DERL2: variants seen among roughly 807,000 people sequenced by gnomAD.
The protein encoded by DERL2 is derlin 2.
In DERL2, 13 loss-of-function variants were observed where a neutral mutation model predicts 32.0. The observed-to-expected ratio is 0.41, with a 90% confidence interval of 0.26 to 0.65. The LOEUF (loss-of-function observed/expected upper bound fraction) is 0.65, where lower values mean the gene tolerates loss of function less well. DERL2 is among the 30% of genes least tolerant of loss of function. The probability of loss-of-function intolerance (pLI) is 0.35; values close to 1 mark genes in which losing one functional copy is unlikely to be tolerated. For synonymous variants in DERL2, 111 were observed against 104.7 expected (o/e 1.06, Z -0.37); for missense variants, 208 against 296.3 (o/e 0.70, Z 2.19).
In DERL2 at chr17:5,472,693, C is replaced by CA. The variant is rs1342606183; in HGVS notation, c.*1990dup. 6.6e-6 allele frequency: 1 copy of CA among 151,482 alleles called. No homozygotes were observed. The highest frequency in any genetic ancestry group is 1.5e-5 in the Non-Finnish European group (1 of 67,944). 9.4% of individuals were successfully genotyped at this position (151,482 alleles called of 1,614,324 possible). On this transcript the variant is annotated 3_prime_UTR_variant, in exon 7 of 7. Transcript: ENST00000158771. The stretch of plus-strand genomic sequence containing the variant: ...AGATTTTAGGATTAGTATTTTACCA[C>CA]AAAAATGCCATTCATTGCATAACTC...
At chr17:5,486,356 G>GCCCC (rs150601778), upstream of DERL2, 17 of 380,098 alleles carry the variant, frequency 4.5e-5, no homozygotes, top group African/African-American at 2.6e-4. Flanking sequence ...CGTCGCCACC[G>GCCCC]CCCCCCCCCA....
At position 5,483,679 on chromosome 17, in the gene DERL2, A is replaced by G. The variant is rs1905952031; in HGVS notation, c.160-797T>C. Among the ~76,000 whole-genome samples, 2 of 152,234 alleles carry G rather than the reference A, an allele frequency of 1.3e-5. 1 individual carries two copies. The highest frequency in any genetic ancestry group is 4.1e-4 in the South Asian group (2 of 4,834). ...CTGACTAGCTGAATACTAGTTATTC[A>G]GCTAAAAGTTGAACTTTTAAATGTC... On this transcript the variant is annotated intron_variant, in intron 2 of 6. Coordinates refer to ENST00000158771, the MANE Select transcript of DERL2 (RefSeq NM_016041.5).
rs187564670 is a variant in DERL2 at position 5,479,406 on chromosome 17, C to T, written c.614+648G>A. ...TTGAGCCCTTTTTAATATGGCATCT[C>T]CCAAGGATACCAAATTCCAGAGTAG... On this transcript the variant is annotated intron_variant, in intron 6 of 6. Coordinates refer to ENST00000158771, the MANE Select transcript of DERL2 (RefSeq NM_016041.5). Among the ~76,000 whole-genome samples the T allele has an allele frequency of 4.0e-5, 6 of 149,676 alleles. No homozygotes were observed. In the East Asian group the frequency reaches 1.2e-3, roughly 30 times the overall value.
At chr17:5,482,740 A>G in intron 3 of DERL2, 69 bp downstream of exon 3, 1 of 900,482 alleles carries the variant, frequency 1.1e-6, no homozygotes, top group South Asian at 1.5e-5. Context: ...AACAGGATGA[A>G]AAGTTTCAAC....
chr17:5,481,641 T>A lies in DERL2; in HGVS notation c.234-252A>T, dbSNP rs1905788939. Among the ~76,000 whole-genome samples, 1 of 151,334 alleles carries A rather than the reference T, an allele frequency of 6.6e-6. No individual in the cohort carries two copies. The highest frequency in any genetic ancestry group is 2.1e-4 in the South Asian group (1 of 4,794). On this transcript the variant is annotated intron_variant, in intron 3 of 6. Coordinates refer to ENST00000158771, the MANE Select transcript of DERL2 (RefSeq NM_016041.5). This position sits in a 1 kb window ranked among gnomAD's most constrained non-coding sequence, Gnocchi z 4.4. ...AGATGACACACAGACATGCTTTCAG[T>A]CCCCTATTCTTTTTTTTTTTTCTTT... is the stretch of plus-strand genomic sequence containing the variant.
rs923440213 is a variant in DERL2 at position 5,471,941 on chromosome 17, T to A, written c.*2743A>T. 1.3e-5 allele frequency: 2 copies of A among 152,168 alleles called. No homozygotes were observed. The highest frequency in any genetic ancestry group is 2.9e-5 in the Non-Finnish European group (2 of 68,042). 9.4% of individuals were successfully genotyped at this position (152,168 alleles called of 1,614,324 possible). ...GCCCCAGAGACTGAGGGTTTCATTA[T>A]CCAGACCCAGGACTTAGGTGTTCTG... On this transcript the variant is annotated 3_prime_UTR_variant, in exon 7 of 7. Transcript: ENST00000158771.
Position 5,481,166 on chromosome 17 carries a change from A to C in DERL2, c.327+130T>G, listed in dbSNP as rs762663757. 2.6e-6 allele frequency: 2 copies of C among 756,856 alleles called. No homozygotes were observed. Among genetic ancestry groups the C allele is most frequent in the Admixed American group, 5.2e-5 (2 of 38,304 alleles). The allele number at this position is 756,856 out of a possible 1,614,324, so 46.9% of individuals were successfully genotyped here. On this transcript the variant is annotated intron_variant, in intron 4 of 6. Transcript: ENST00000158771. The surrounding 1 kb of genome is among the most constrained non-coding windows in gnomAD (Gnocchi z 4.4). The stretch of plus-strand genomic sequence containing the variant: ...TGCTAGGTTTGGAAACTTGTCACAG[A>C]AAATGTGCTGTAAAATAAATGATAG...
At chr17:5,485,295 GC>G in intron 1 of DERL2, 79 bp from the exon 2 acceptor site, 1 of 1,016,318 alleles carries the variant, frequency 9.8e-7, no homozygotes, top group East Asian at 2.6e-5. Flanking sequence ...AGTAGGTCTA[GC>G]AATTTCCAAC....
chr17:5,486,093 G>A lies in DERL2; in HGVS notation c.69C>T (p.Ala23=), dbSNP rs150163105. ...IPPVSRAYTT[A]CVLTTAAVQL... is the part of the protein sequence containing the mutation. ...CCACGGCGGCGGTGGTGAGGACGCA[G>A]GCAGTGGTGTAGGCGCGGCTGACCG... Residue 23 remains alanine (A), a synonymous_variant, in exon 1 of 7, where the codon GCC becomes GCT. Coordinates refer to ENST00000158771, the MANE Select transcript of DERL2 (RefSeq NM_016041.5). The A allele has an allele frequency of 4.3e-6, 7 of 1,611,776 alleles. No homozygotes were observed. The African/African-American group carries it at 6.7e-5, about 15-fold the overall frequency.
intron 2 of DERL2, 23 bp from the exon 3 acceptor site, chr17:5,482,905 A>G: frequency 8.1e-7 from 1 of 1,240,426 alleles, no homozygotes; most frequent in Non-Finnish European, 1.1e-6. Flanking sequence ...AATCAAGAGA[A>G]AGATGTATTA....
intron 2 of DERL2, among the ~76,000 whole-genome samples, chr17:5,483,279 A>G (rs1322820418): frequency 6.6e-6 from 1 of 152,038 alleles, no homozygotes; most frequent in Non-Finnish European, 1.5e-5. Flanking sequence ...TAAATTGCTG[A>G]GAAATGTTTA....
rs1022093857 is a variant in DERL2 at position 5,471,855 on chromosome 17, T to C, written c.*2829A>G. ...AAAACACTGGCAGGATAGATGACAA[T>C]AGTTCTAGGAAGCCCATTACTCAAC... On this transcript the variant is annotated 3_prime_UTR_variant, in exon 7 of 7. Coordinates refer to ENST00000158771, the MANE Select transcript of DERL2 (RefSeq NM_016041.5). 6.6e-6 allele frequency: 1 copy of C among 152,032 alleles called. No homozygotes were observed. The highest frequency in any genetic ancestry group is 1.5e-5 in the Non-Finnish European group (1 of 67,998). 9.4% of individuals were successfully genotyped at this position (152,032 alleles called of 1,614,324 possible). A position where few individuals can be genotyped will look rare whatever the true frequency, so the allele number is the denominator to read the frequency against.
rs568249711 is a variant in DERL2 at position 5,482,733 on chromosome 17, A to G, written c.233+76T>C. 93 of 822,260 alleles carry G rather than the reference A, an allele frequency of 1.1e-4. No individual in the cohort carries two copies. In the African/African-American group the frequency reaches 1.4e-3, roughly 12 times the overall value. 50.9% of individuals were successfully genotyped at this position (822,260 alleles called of 1,614,324 possible). A position where few individuals can be genotyped will look rare whatever the true frequency, so the allele number is the denominator to read the frequency against. On this transcript the variant is annotated intron_variant, in intron 3 of 6. Transcript: ENST00000158771. ...TAAGATGGTACCAAAAACAAGTAAC[A>G]GGATGAAAAGTTTCAACTTAATTTT...
At chr17:5,480,231 G>T in intron 5 of DERL2, 87 bp from the exon 6 acceptor site, 2 of 1,227,830 alleles carry the variant, frequency 1.6e-6, no homozygotes, top group South Asian at 1.4e-5. Flanking sequence ...CCTATATTTA[G>T]GATGAATGTC....
Position 5,481,338 on chromosome 17 carries a change from T to C in DERL2, c.285A>G (p.Ala95=). ...LEEGSFRGRT[A]DFVFMFLFGG... is the part of the protein sequence containing the mutation. ...CAAAAAGGAACATAAATACAAAGTCTGCTGTCCGACCTCGGAAAGAGCCTT... is the reference window on the plus strand; with the variant it reads ...CAAAAAGGAACATAAATACAAAGTCCGCTGTCCGACCTCGGAAAGAGCCTT... The change falls in exon 4 of 7, where the codon GCA becomes GCG. Residue 95 remains alanine (A), a synonymous_variant. Coordinates refer to ENST00000158771, the MANE Select transcript of DERL2 (RefSeq NM_016041.5). The surrounding 1 kb of genome is among the most constrained non-coding windows in gnomAD (Gnocchi z 4.4). The C allele has an allele frequency of 1.2e-6, 2 of 1,614,184 alleles. No individual in the cohort carries two copies. The highest frequency in any genetic ancestry group is 1.7e-6 in the Non-Finnish European group (2 of 1,179,992).
At chr17:5,482,779 T>G in intron 3 of DERL2, 30 bp downstream of exon 3, 1 of 1,263,534 alleles carries the variant, frequency 7.9e-7, no homozygotes, top group Non-Finnish European at 1.1e-6. Flanking sequence ...AGAAAAAGTT[T>G]TGATGCTGAC....
chr17:5,477,645 C>T (rs1208214032), intron 6 of DERL2, among the ~76,000 whole-genome samples: 1 of 152,044 alleles, frequency 6.6e-6, no homozygotes, highest in African/African-American at 2.4e-5. Flanking sequence ...TATGTGGTGG[C>T]TACATGAAGC....
intron 6 of DERL2, among the ~76,000 whole-genome samples, chr17:5,479,725 T>A (rs1245734404): frequency 6.6e-6 from 1 of 152,188 alleles, no homozygotes; most frequent in Non-Finnish European, 1.5e-5. Context: ...TTTGCCCATT[T>A]TGCTACCTTA....
chr17:5,486,271 G>A (rs1805461), upstream of DERL2: 4,689 of 848,158 alleles, frequency 5.5e-3, 181 homozygotes, highest in African/African-American at 0.079. Context: ...TAGTTTTCCC[G>A]CGACTGCCCA....
Sources: gnomAD v4.1 joint callset for allele counts (sites outside exome capture counted in the v4.1 genomes callset) on GRCh38, gnomAD v4.1.1 for gene constraint, Gnocchi (gnomAD v3.1) non-coding constraint, MANE v1.5 for transcripts, NCBI Gene and HGNC (gene_info 2026-07-23, HGNC 2026-07-21) for gene names.